Variants in COL6A2 observed in about 807,000 individuals in gnomAD.
The protein encoded by COL6A2 is collagen type VI alpha 2 chain, also known as collagen alpha-2(VI) chain.
Under a neutral mutation model 124.9 loss-of-function variants are expected in COL6A2, and 90 were observed. The ratio of observed to expected loss-of-function variants is 0.72; its 90% CI spans 0.61 to 0.86. The LOEUF (loss-of-function observed/expected upper bound fraction) is 0.86. Among genes scored for constraint, COL6A2 ranks in the 40% least tolerant of loss-of-function variants. The pLI is 0.00. For synonymous variants in COL6A2, 793 were observed against 618.2 expected (o/e 1.28, Z -4.19); for missense variants, 1,607 against 1,502.5 (o/e 1.07, Z -1.15).
chr21:46,122,409 G>C, intron 19 of COL6A2, 87 bp from the exon 20 acceptor site: 1 of 1,560,444 alleles, frequency 6.4e-7, no homozygotes, highest in Non-Finnish European at 8.8e-7. Flanking sequence ...GCGAGGGAGG[G>C]AAACGGGGCT....
In COL6A2 at chr21:46,120,523, T is replaced by C. The variant is rs751688085; in HGVS notation, c.1341T>C (p.Pro447=). Residue 447 remains proline (P), a synonymous_variant, in exon 16 of 28, where the codon CCT becomes CCC. Transcript: ENST00000300527. ...CCCTTCCCTTCCCACAGGGGGACCC[T>C]GGCCCTGAGGGGCCCCGCGGCCTGG... is the stretch of plus-strand genomic sequence containing the variant. ...SDGPKGEKGD[P]GPEGPRGLAG... 58 of 1,501,548 alleles carry C rather than the reference T, an allele frequency of 3.9e-5. No homozygotes were observed. The highest frequency in any genetic ancestry group is 8.9e-6 in the Non-Finnish European group (10 of 1,127,784). 93.0% of individuals were successfully genotyped at this position (1,501,548 alleles called of 1,614,324 possible). A position where few individuals can be genotyped will look rare whatever the true frequency, so the allele number is the denominator to read the frequency against.
Position 46,124,668 on chromosome 21 carries a change from T to G in COL6A2, c.1689T>G (p.Pro563=), listed in dbSNP as rs754950761. 1 of 1,612,880 alleles carries G rather than the reference T, an allele frequency of 6.2e-7. No individual in the cohort carries two copies. The highest frequency in any genetic ancestry group is 1.7e-5 in the Admixed American group (1 of 60,004). ...EKGEPADPGP[P]GEPGPRGPRG... ...CTTCTCAGGCGGATCCTGGTCCCCCTGGTGAGCCAGGCCCTCGGGGGCCAA... is the reference window on the plus strand; with the variant it reads ...CTTCTCAGGCGGATCCTGGTCCCCCGGGTGAGCCAGGCCCTCGGGGGCCAA... Residue 563 remains proline (P), a synonymous_variant, in exon 22 of 28, where the codon CCT becomes CCG. Coordinates refer to ENST00000300527, the MANE Select transcript of COL6A2 (RefSeq NM_001849.4).
chr21:46,122,434 A>AGAGG (rs1223520841), intron 19 of COL6A2, 62 bp from the exon 20 acceptor site: 3 of 1,606,594 alleles, frequency 1.9e-6, no homozygotes, highest in Non-Finnish European at 2.6e-6. Context: ...AAAGCTGCCC[A>AGAGG]GAGGGAGGAA....
At position 46,114,592 on chromosome 21, in the gene COL6A2, A is replaced by G. The variant is rs528252339; in HGVS notation, c.801+519A>G. On this transcript the variant is annotated intron_variant, in intron 5 of 27. Coordinates refer to ENST00000300527, the MANE Select transcript of COL6A2 (RefSeq NM_001849.4). ...AAAAAATGAGATATGCCATTAAAAT[A>G]CTTTGGTAAGCAAGCATATTCAAGT... Among the ~76,000 whole-genome samples the G allele has an allele frequency of 1.9e-3, 290 of 152,342 alleles. 14 individuals carry two copies. In the South Asian group the frequency reaches 0.058, roughly 30 times the overall value.
At chr21:46,123,417 T>C (rs545887546) in intron 21 of COL6A2, among the ~76,000 whole-genome samples, 2 of 152,126 alleles carry the variant, frequency 1.3e-5, no homozygotes, top group East Asian at 3.9e-4. Context: ...GAAGGTGCTC[T>C]GTGCCTCCAA....
At chr21:46,119,732 C>T (rs2078530342) in intron 14 of COL6A2, 56 bp from the exon 15 acceptor site, 2 of 1,495,798 alleles carry the variant, frequency 1.3e-6, no homozygotes, top group African/African-American at 2.8e-5. Flanking sequence ...CCACCCTCCA[C>T]AGGCTCTGGG....
rs572299426 is a variant in COL6A2 at position 46,122,410 on chromosome 21, A to G, written c.1573-86A>G. 4 of 1,559,618 alleles carry G rather than the reference A, an allele frequency of 2.6e-6. No individual in the cohort carries two copies. The Admixed American group carries it at 5.0e-5, about 20-fold the overall frequency. On this transcript the variant is annotated intron_variant, in intron 19 of 27. Transcript: ENST00000300527. ...CAGAGTGTGAATGAGCGAGGGAGGG[A>G]AACGGGGCTGCAGAAAGCTGCCCAG...
At chr21:46,127,995 C>T (rs1022923223) in intron 27 of COL6A2, among the ~76,000 whole-genome samples, 1 of 152,190 alleles carries the variant, frequency 6.6e-6, no homozygotes, top group African/African-American at 2.4e-5. Context: ...TCGCTGATGC[C>T]TGCCTGAGGG....
At chr21:46,126,400 G>C (rs767154067) in intron 26 of COL6A2, 103 bp from the exon 27 acceptor site, 167 of 1,555,754 alleles carry the variant, frequency 1.1e-4, no homozygotes, top group Non-Finnish European at 1.3e-4. Context: ...GCAGGGCAGA[G>C]GCCAGCTGCA....
intron 1 of COL6A2, among the ~76,000 whole-genome samples, chr21:46,104,554 C>G (rs760312758): frequency 2.4e-4 from 36 of 152,084 alleles, no homozygotes; most frequent in Non-Finnish European, 8.8e-5. Flanking sequence ...TACCATCAAG[C>G]AAACCAACAT....
chr21:46,129,035 C>CA (rs1381886449), intron 27 of COL6A2: 25 of 1,601,688 alleles, frequency 1.6e-5, no homozygotes, highest in Non-Finnish European at 2.1e-5. Flanking sequence ...CGCCTCCTGC[C>CA]AAGGCCGAGC....
chr21:46,130,891 C>T (rs2839118), intron 27 of COL6A2, among the ~76,000 whole-genome samples: 36,814 of 152,176 alleles, frequency 0.24, 5,652 homozygotes, highest in African/African-American at 0.44. Context: ...CCAGCTCGTG[C>T]GTGCTCAGAC....
chr21:46,125,018 A>C (rs748692067), intron 23 of COL6A2, 98 bp downstream of exon 23: 3 of 1,457,578 alleles, frequency 2.1e-6, no homozygotes, highest in East Asian at 4.6e-5. Context: ...ACGGTCAGAG[A>C]GCAAGATCAG....
chr21:46,110,339 CTT>C (rs886979781), intron 1 of COL6A2, among the ~76,000 whole-genome samples: 1 of 150,026 alleles, frequency 6.7e-6, no homozygotes, highest in Non-Finnish European at 1.5e-5. Context: ...CTTTTAGGGA[CTT>C]TTTTTTTTAT....
chr21:46,117,340 T>G, intron 10 of COL6A2, 60 bp from the exon 11 acceptor site: 1 of 1,546,076 alleles, frequency 6.5e-7, no homozygotes, highest in Non-Finnish European at 8.9e-7. Context: ...GTCTTGGTCG[T>G]TGGCACACAT....
chr21:46,132,423 C>T lies in COL6A2; in HGVS notation c.2931C>T (p.Gly977=), dbSNP rs542734508. The T allele has an allele frequency of 6.8e-6, 11 of 1,607,166 alleles. No individual in the cohort carries two copies. The highest frequency in any genetic ancestry group is 1.1e-5 in the South Asian group (1 of 91,042). ...QNVVPTVLAL[G]SDVDMDVLTT... is the part of the protein sequence containing the mutation. ...TGGTACCCACCGTGCTGGCCTTGGG[C>T]AGCGACGTGGACATGGACGTGCTCA... Residue 977 remains glycine, a synonymous_variant, in exon 28 of 28, where the codon GGC becomes GGT. Transcript: ENST00000300527.
intron 11 of COL6A2, 129 bp from the exon 12 acceptor site, chr21:46,117,745 C>A: frequency 1.1e-6 from 1 of 889,560 alleles, no homozygotes; most frequent in Non-Finnish European, 1.7e-6. Flanking sequence ...CTCTTGGTCA[C>A]TGAGCCTGGG....
In COL6A2 at chr21:46,128,695, G is replaced by T. The variant is rs9977572; in HGVS notation, c.2461+2154G>T. ...AGCGTAACCTGAGCTCCAGTCGGTG[G>T]AAAGAAAAGGCAGAGACGTTGCAGA... On this transcript the variant is annotated intron_variant, in intron 27 of 27. Coordinates refer to ENST00000300527, the MANE Select transcript of COL6A2 (RefSeq NM_001849.4). Among the ~76,000 whole-genome samples, 354 of 152,348 alleles carry T rather than the reference G, an allele frequency of 2.3e-3. 1 individual carries two copies. The highest frequency in any genetic ancestry group is 8.1e-3 in the African/African-American group (337 of 41,582).
At position 46,109,451 on chromosome 21, in the gene COL6A2, G is replaced by A. The variant is rs567884904; in HGVS notation, c.-27-1999G>A. Among the ~76,000 whole-genome samples, 698 of 152,308 alleles carry A rather than the reference G, an allele frequency of 4.6e-3. 6 individuals are homozygous for A. Among genetic ancestry groups the A allele is most frequent in the African/African-American group, 0.016 (645 of 41,568 alleles). On this transcript the variant is annotated intron_variant, in intron 1 of 27. Coordinates refer to ENST00000300527, the MANE Select transcript of COL6A2 (RefSeq NM_001849.4). ...CGTAGGACGGGCAACCCGGCCCCCAGGCTTCAGGCCTGCCCCAGCCTGAAG... is the reference window on the plus strand; with the variant it reads ...CGTAGGACGGGCAACCCGGCCCCCAAGCTTCAGGCCTGCCCCAGCCTGAAG...
Sources: gnomAD v4.1 joint callset for allele counts (sites outside exome capture counted in the v4.1 genomes callset) on GRCh38, gnomAD v4.1.1 for gene constraint, MANE v1.5 for transcripts, NCBI Gene and HGNC (gene_info 2026-07-23, HGNC 2026-07-21) for gene names.